FA2H: variants seen among roughly 807,000 people sequenced by gnomAD.
FA2H encodes fatty acid 2-hydroxylase.
FA2H carries 22 observed loss-of-function variants against 44.9 expected under a neutral mutation model. That is an observed-to-expected ratio of 0.49 (90% CI 0.35 to 0.70). FA2H has a LOEUF of 0.70. FA2H is among the 30% of genes least tolerant of loss of function. The probability of loss-of-function intolerance (pLI) is 0.01; values close to 1 mark genes in which losing one functional copy is unlikely to be tolerated. For synonymous variants in FA2H, 243 were observed against 213.2 expected, an observed-to-expected ratio of 1.14 and a Z score of -1.22; for missense variants, 501 against 504.9, an observed-to-expected ratio of 0.99 and a Z score of 0.07.
At chr16:74,758,453 T>G (rs1191941181) in intron 1 of FA2H, among the ~76,000 whole-genome samples, 2 of 152,090 alleles carry the variant, frequency 1.3e-5, no homozygotes, top group Non-Finnish European at 2.9e-5. Context: ...TCGTCTTAAC[T>G]ATTTAAATTT....
Position 74,738,207 on chromosome 16 carries a change from A to G in FA2H, c.363+1816T>C, listed in dbSNP as rs190382779. ...CACAGGAGGAAGGGGAGGAAGAGTG[A>G]GTGTGTAGAGAGAGAATGAGAGAGA... On this transcript the variant is annotated intron_variant, in intron 2 of 6. Coordinates refer to ENST00000219368, the MANE Select transcript of FA2H (RefSeq NM_024306.5). 6.0e-4 allele frequency among the ~76,000 whole-genome samples: 91 copies of G among 152,082 alleles called. 1 individual carries two copies. The highest frequency in any genetic ancestry group is 3.4e-3 in the Middle Eastern group (1 of 292).
chr16:74,761,737 C>A (rs1267274181), intron 1 of FA2H, among the ~76,000 whole-genome samples: 1 of 152,166 alleles, frequency 6.6e-6, no homozygotes, highest in African/African-American at 2.4e-5. Flanking sequence ...AGGGTGCTAT[C>A]ATCCAACAAT....
chr16:74,727,167 G>T, intron 3 of FA2H, 77 bp downstream of exon 3: 2 of 1,580,490 alleles, frequency 1.3e-6, no homozygotes, highest in Non-Finnish European at 1.7e-6. Context: ...GGACTCAATT[G>T]CCCCCTCCCT....
chr16:74,733,916 G>A (rs1460172500), intron 2 of FA2H, among the ~76,000 whole-genome samples: 1 of 152,210 alleles, frequency 6.6e-6, no homozygotes, highest in Non-Finnish European at 1.5e-5. Flanking sequence ...ATGCCACCTG[G>A]CCCTGTATTG....
intron 1 of FA2H, among the ~76,000 whole-genome samples, chr16:74,753,368 A>G (rs1387359480): frequency 6.6e-6 from 1 of 152,142 alleles, no homozygotes; most frequent in Admixed American, 6.5e-5. Flanking sequence ...CCACGACAAG[A>G]GCTTGAGGAT....
chr16:74,765,893 T>C (rs1017503614), intron 1 of FA2H, among the ~76,000 whole-genome samples: 3 of 152,198 alleles, frequency 2.0e-5, no homozygotes, highest in Non-Finnish European at 2.9e-5. Flanking sequence ...GTACCAGTGG[T>C]GCCTGTGTGT....
At position 74,727,287 on chromosome 16, in the gene FA2H, GGC is replaced by G; in HGVS notation, c.461_462del (p.Arg154ProfsTer8). On this transcript the variant is annotated frameshift_variant, in exon 3 of 7. Transcript: ENST00000219368. LOFTEE classifies it high-confidence loss of function. ...CCCTCAATGAGGTCTGAGTGGAAGA[GGC>G]GGATGGGCCTGGTCACCGGCTGGTG... Reference protein sequence around the residue: ...WVHQPVTRPIRLFHSDLIEGL... With the variant: ...WVHQPVTRPIXLFHSDLIEGL... The G allele has an allele frequency of 6.2e-7, 1 of 1,614,188 alleles. No homozygotes were observed. Among genetic ancestry groups the G allele is most frequent in the Non-Finnish European group, 8.5e-7 (1 of 1,180,028 alleles).
chr16:74,721,783 C>T (rs921094935), intron 4 of FA2H, among the ~76,000 whole-genome samples: 1 of 152,186 alleles, frequency 6.6e-6, no homozygotes, highest in African/African-American at 2.4e-5. Context: ...GAGGAACTAT[C>T]CCCTCCACAT....
chr16:74,730,041 A>T (rs1381017290), intron 2 of FA2H, among the ~76,000 whole-genome samples: 1 of 152,016 alleles, frequency 6.6e-6, no homozygotes, highest in African/African-American at 2.4e-5. Context: ...CTGCAATCTC[A>T]TCCTTGTACA....
At chr16:74,721,859 G>T (rs1961847138) in intron 4 of FA2H, among the ~76,000 whole-genome samples, 1 of 152,232 alleles carries the variant, frequency 6.6e-6, no homozygotes, top group African/African-American at 2.4e-5. Context: ...TTGCTTCTCA[G>T]GGAAGAGGTG....
intron 4 of FA2H, among the ~76,000 whole-genome samples, chr16:74,723,321 A>C (rs1009986912): frequency 6.6e-6 from 1 of 152,016 alleles, no homozygotes. Context: ...CTCAGGCTCC[A>C]TCTTGGAAAC....
chr16:74,752,137 A>T (rs551895383), intron 1 of FA2H, among the ~76,000 whole-genome samples: 34 of 152,104 alleles, frequency 2.2e-4, no homozygotes, highest in African/African-American at 7.0e-4. Flanking sequence ...CTCCATCCTC[A>T]CAGTCACCAA....
intron 1 of FA2H, among the ~76,000 whole-genome samples, chr16:74,748,647 A>G (rs1040747085): frequency 1.3e-5 from 2 of 151,968 alleles, no homozygotes; most frequent in Non-Finnish European, 1.5e-5. Flanking sequence ...CTCCCTAGAG[A>G]GGGTTTGCTT....
intron 1 of FA2H, among the ~76,000 whole-genome samples, chr16:74,740,557 T>C (rs997438205): frequency 2.0e-5 from 3 of 150,172 alleles, no homozygotes; most frequent in East Asian, 3.9e-4. Flanking sequence ...GAGGTAGAGG[T>C]TGCAGTGAGC....
At chr16:74,724,239 G>A (rs751748892) in intron 4 of FA2H, among the ~76,000 whole-genome samples, 2 of 152,148 alleles carry the variant, frequency 1.3e-5, no homozygotes, top group East Asian at 1.9e-4. Context: ...CTGGACGTAC[G>A]GGAGCACTCT....
intron 2 of FA2H, among the ~76,000 whole-genome samples, chr16:74,729,670 G>A (rs145193298): frequency 1.3e-5 from 2 of 152,306 alleles, no homozygotes; most frequent in East Asian, 1.9e-4. Flanking sequence ...AATCTGGACC[G>A]AATCCAGGAA....
At chr16:74,765,981 A>G (rs1210061080) in intron 1 of FA2H, among the ~76,000 whole-genome samples, 1 of 152,196 alleles carries the variant, frequency 6.6e-6, no homozygotes, top group Non-Finnish European at 1.5e-5. Context: ...AATAGGGAAG[A>G]CAAGAGCCAC....
intron 5 of FA2H, among the ~76,000 whole-genome samples, chr16:74,718,117 C>T (rs1258010204): frequency 1.3e-5 from 2 of 152,198 alleles, no homozygotes; most frequent in Non-Finnish European, 2.9e-5. Context: ...AACCTGAGAA[C>T]TGTCCCAGGC....
chr16:74,727,254 T>C lies in FA2H; in HGVS notation c.496A>G (p.Lys166Glu). ...CAGGGAAGAGCTCACCAGACAGTCT[T>C]AGAGAGGCCCTCAATGAGGTCTGAG... ...FHSDLIEGLS[K>E]TVWYSVPIIW... The change falls in exon 3 of 7, where the codon AAG (lysine) becomes GAG (glutamate). Residue 166 changes from lysine (K) to glutamate (E), a missense_variant. By Grantham distance (56) the Lys-to-Glu change is moderately conservative. Coordinates refer to ENST00000219368, the MANE Select transcript of FA2H (RefSeq NM_024306.5). 1 of 1,614,014 alleles carries C rather than the reference T, an allele frequency of 6.2e-7. No individual in the cohort carries two copies. Among genetic ancestry groups the C allele is most frequent in the Non-Finnish European group, 8.5e-7 (1 of 1,180,016 alleles).
Sources: allele counts gnomAD v4.1 joint callset (sites outside exome capture counted in the v4.1 genomes callset), GRCh38; gene constraint gnomAD v4.1.1; transcripts MANE v1.5; gene names NCBI Gene and HGNC (gene_info 2026-07-23, HGNC 2026-07-21).